The following STK10 variants were observed in gnomAD, a reference collection of about 807,000 sequenced individuals.
The protein encoded by STK10 is serine/threonine kinase 10.
In STK10, 78 loss-of-function variants were observed where a neutral mutation model predicts 113.8. The ratio of observed to expected loss-of-function variants is 0.69; its 90% confidence interval spans 0.57 to 0.83. The LOEUF is 0.83. Among genes scored for constraint, STK10 ranks in the 40% least tolerant of loss-of-function variants. The pLI is 0.00. For missense variants in STK10, 1,109 were observed against 1,280.1 expected, an observed-to-expected ratio of 0.87 and a Z score of 2.04; for synonymous variants, 465 against 494.7, an observed-to-expected ratio of 0.94 and a Z score of 0.80.
chr5:172,085,700 AAAG>A (rs1561801096), intron 10 of STK10, among the ~76,000 whole-genome samples: 1 of 151,610 alleles, frequency 6.6e-6, no homozygotes, highest in Non-Finnish European at 1.5e-5. Flanking sequence ...AAAAAAAAAA[AAAG>A]AGAGAGAAAA....
intron 18 of STK10, chr5:172,045,497 A>G (rs1767478367): frequency 2.2e-6 from 1 of 448,578 alleles, no homozygotes; most frequent in Non-Finnish European, 4.4e-6. Flanking sequence ...AACAAAAACA[A>G]AAACAAAAAC....
At chr5:172,114,514 A>T (rs1174460580) in intron 4 of STK10, 3 of 93,870 alleles carry the variant, frequency 3.2e-5, no homozygotes, top group Non-Finnish European at 5.7e-5. Context: ...ACGGAGTCTC[A>T]CTCTGTCGCC....
intron 1 of STK10, among the ~76,000 whole-genome samples, chr5:172,176,269 C>T (rs1415949064): frequency 6.6e-6 from 1 of 152,200 alleles, no homozygotes; most frequent in African/African-American, 2.4e-5. Context: ...CCCAGACAAC[C>T]TCTGATCCGC....
intron 1 of STK10, among the ~76,000 whole-genome samples, chr5:172,169,455 G>A (rs568058740): frequency 8.6e-4 from 130 of 151,716 alleles, no homozygotes; most frequent in African/African-American, 3.0e-3. Flanking sequence ...AGTTAAGTGG[G>A]ATGGTGAATG....
chr5:172,060,099 G>A (rs1408388730), intron 14 of STK10, among the ~76,000 whole-genome samples: 1 of 152,132 alleles, frequency 6.6e-6, no homozygotes, highest in African/African-American at 2.4e-5. Context: ...TGGAATTAGT[G>A]CCTTTTTATT....
chr5:172,131,431 A>T (rs1769755643), intron 2 of STK10, among the ~76,000 whole-genome samples: 2 of 152,202 alleles, frequency 1.3e-5, no homozygotes, highest in Non-Finnish European at 2.9e-5. Flanking sequence ...ACACTCTTAT[A>T]CAACGTCCCT....
At position 172,043,523 on chromosome 5, in the gene STK10, A is replaced by G. The variant is rs1432903031; in HGVS notation, c.*1359T>C. 2 of 152,216 alleles carry G rather than the reference A, an allele frequency of 1.3e-5. No individual in the cohort carries two copies. Among genetic ancestry groups the G allele is most frequent in the South Asian group, 2.1e-4 (1 of 4,832 alleles). 9.4% of individuals were successfully genotyped at this position (152,216 alleles called of 1,614,324 possible). Reference sequence around the variant, plus strand: ...TCTTGTTTGTTGTTTTAAAAAGCAGATATCTTCCTGGAGAAACCATACATT... The same window carrying G: ...TCTTGTTTGTTGTTTTAAAAAGCAGGTATCTTCCTGGAGAAACCATACATT... On this transcript the variant is annotated 3_prime_UTR_variant, in exon 19 of 19. Transcript: ENST00000176763.
chr5:172,093,810 T>C lies in STK10; in HGVS notation c.1156A>G (p.Arg386Gly), dbSNP rs1183409348. Residue 386 changes from arginine to glycine, a missense_variant, in exon 9 of 19, where the codon AGA becomes GGA. This residue lies in a region of STK10 where 885 missense variants were observed against 991.1 expected (regional missense o/e 0.89). Transcript: ENST00000176763. The surrounding 1 kb of genome is among the most constrained non-coding windows in gnomAD (Gnocchi z 4.1). ...GGGGGACTGGTGGTTTGGAGGGATC[T>C]GTCCCCAGAGGGCTGGCTGCAGGGC... ...NEPCSQPSGD[R>G]SLQTTSPPVV... is the part of the protein sequence containing the mutation. 1.2e-6 allele frequency: 2 copies of C among 1,607,100 alleles called. No homozygotes were observed.
rs150705030 is a variant in STK10 at position 172,107,865 on chromosome 5, A to G, written c.521-13T>C. ...ACACCAAAGTCAGCTGCAAGACAAA[A>G]TCTCAGCTAGCGTTTTCCACCCATA... On this transcript the variant is annotated splice_polypyrimidine_tract_variant and intron_variant, in intron 4 of 18. Coordinates refer to ENST00000176763, the MANE Select transcript of STK10 (RefSeq NM_005990.4). The G allele has an allele frequency of 3.9e-4, 622 of 1,613,938 alleles. No homozygotes were observed. In the African/African-American group the frequency reaches 7.6e-3, roughly 20 times the overall value.
At chr5:172,179,245 G>T (rs1045606943) in intron 1 of STK10, among the ~76,000 whole-genome samples, 3 of 152,162 alleles carry the variant, frequency 2.0e-5, no homozygotes, top group Non-Finnish European at 4.4e-5. Context: ...GCAGACACAA[G>T]ATTCAGGTTC....
rs371270215 is a variant in STK10, at chr5:172,096,429, G to A, written c.1002C>T (p.Ala334=). The change falls in exon 8 of 19, where the codon GCC becomes GCT. Residue 334 remains alanine, a synonymous_variant. Coordinates refer to ENST00000176763, the MANE Select transcript of STK10 (RefSeq NM_005990.4). The part of the protein sequence containing the change: ...EGEEEDAVDA[A]STLENHTQNS... ...GCCCCACTCTCCCTGGCCTTACGGAGGCGGCATCCACGGCGTCCTCCTCTT... is the reference window on the plus strand; with the variant it reads ...GCCCCACTCTCCCTGGCCTTACGGAAGCGGCATCCACGGCGTCCTCCTCTT... 3 of 1,612,004 alleles carry A rather than the reference G, an allele frequency of 1.9e-6. No homozygotes were observed. In the African/African-American group the frequency reaches 4.0e-5, roughly 22 times the overall value.
intron 2 of STK10, among the ~76,000 whole-genome samples, chr5:172,155,554 A>G (rs1414024758): frequency 2.0e-5 from 3 of 152,038 alleles, no homozygotes; most frequent in Non-Finnish European, 4.4e-5. Flanking sequence ...AAAAAAATCC[A>G]AAGATGTCCA....
chr5:172,081,265 C>T (rs536693423), intron 12 of STK10, among the ~76,000 whole-genome samples: 2 of 150,352 alleles, frequency 1.3e-5, no homozygotes, highest in African/African-American at 2.4e-5. Flanking sequence ...GCAGAAGAAT[C>T]GCTTGAACTC....
rs939655425 is a variant in STK10, at chr5:172,155,285, G to T, written c.321+1339C>A. Among the ~76,000 whole-genome samples, 3 of 152,226 alleles carry T rather than the reference G, an allele frequency of 2.0e-5. No individual in the cohort carries two copies. In the East Asian group the frequency reaches 5.8e-4, roughly 29 times the overall value. On this transcript the variant is annotated intron_variant, in intron 2 of 18. Coordinates refer to ENST00000176763, the MANE Select transcript of STK10 (RefSeq NM_005990.4). ...AGCCGAGGCAGGTGGATCTCCTGAGGTCAGGAGTTCAAGAAGAGCCTGACC... is the reference window on the plus strand; with the variant it reads ...AGCCGAGGCAGGTGGATCTCCTGAGTTCAGGAGTTCAAGAAGAGCCTGACC...
intron 1 of STK10, among the ~76,000 whole-genome samples, chr5:172,184,913 G>A (rs1770925740): frequency 6.6e-6 from 1 of 152,076 alleles, no homozygotes; most frequent in South Asian, 2.1e-4. Flanking sequence ...CACCCGCCTC[G>A]GCCTCCTGAA....
chr5:172,156,965 T>C (rs1439905526), intron 1 of STK10, among the ~76,000 whole-genome samples, 177 bp from the exon 2 acceptor site: 1 of 152,122 alleles, frequency 6.6e-6, no homozygotes, highest in African/African-American at 2.4e-5. Context: ...TAAGAGTAAG[T>C]ACCATACACC....
rs150004028 is a variant in STK10, at chr5:172,106,649, G to A, written c.759C>T (p.Asp253=). ...TAGAGGGCGTGAGCAGCGTGGGAGG[G>A]TCCGACTTGGCGATCTTTAGCAGGA... ...MRVLLKIAKS[D]PPTLLTPSKW... The change falls in exon 6 of 19, where the codon GAC becomes GAT. Residue 253 remains aspartate, a synonymous_variant. Coordinates refer to ENST00000176763, the MANE Select transcript of STK10 (RefSeq NM_005990.4). The A allele has an allele frequency of 1.2e-6, 2 of 1,613,114 alleles. No homozygotes were observed. Among genetic ancestry groups the A allele is most frequent in the Admixed American group, 1.7e-5 (1 of 60,010 alleles).
rs114972648 is a variant in STK10 at position 172,051,156 on chromosome 5, T to C, written c.2766+1773A>G. ...TTGCTCCAGCCATGATCCTGTAACATCATGCATTGGTCACTTAGAAAATAT... is the reference window on the plus strand; with the variant it reads ...TTGCTCCAGCCATGATCCTGTAACACCATGCATTGGTCACTTAGAAAATAT... On this transcript the variant is annotated intron_variant, in intron 18 of 18. Coordinates refer to ENST00000176763, the MANE Select transcript of STK10 (RefSeq NM_005990.4). Among the ~76,000 whole-genome samples, 611 of 152,210 alleles carry C rather than the reference T, an allele frequency of 4.0e-3. 4 individuals are homozygous for C. The highest frequency in any genetic ancestry group is 0.014 in the African/African-American group (595 of 41,512).
At chr5:172,150,481 CAA>C (rs61247858) in intron 2 of STK10, among the ~76,000 whole-genome samples, 20 of 106,748 alleles carry the variant, frequency 1.9e-4, no homozygotes, top group Non-Finnish European at 1.5e-4. Flanking sequence ...AACAACACCT[CAA>C]AAAAAAAAAA....
Sources: gnomAD v4.1 joint callset for allele counts (sites outside exome capture counted in the v4.1 genomes callset) on GRCh38, gnomAD v4.1.1 for gene constraint, gnomAD v4.1.1 regional missense constraint, Gnocchi (gnomAD v3.1) non-coding constraint, MANE v1.5 for transcripts, NCBI Gene and HGNC (gene_info 2026-07-23, HGNC 2026-07-21) for gene names.